The following SLC10A7 variants were observed in gnomAD, a reference collection of about 807,000 sequenced individuals.
SLC10A7 encodes sodium/bile acid cotransporter 7.
SLC10A7 carries 29 observed loss-of-function variants against 43.2 expected under a neutral mutation model. That is an observed-to-expected ratio of 0.67 (90% CI 0.50 to 0.92). The LOEUF (loss-of-function observed/expected upper bound fraction) is 0.92, where lower values mean the gene tolerates loss of function less well. SLC10A7 is among the 40% of genes least tolerant of loss of function. The pLI, the probability that SLC10A7 is intolerant of heterozygous loss-of-function variation, is 0.00. For synonymous variants in SLC10A7, 152 were observed against 144.8 expected, an observed-to-expected ratio of 1.05 and a Z score of -0.35; for missense variants, 295 against 403.2, an observed-to-expected ratio of 0.73 and a Z score of 2.30.
At chr4:146,288,657 A>C (rs973842579) in intron 9 of SLC10A7, among the ~76,000 whole-genome samples, 4 of 152,230 alleles carry the variant, frequency 2.6e-5, no homozygotes, top group African/African-American at 9.6e-5. Flanking sequence ...CAGAAAAATC[A>C]AGTGTCCTGT....
chr4:146,262,290 A>G (rs958791054), intron 10 of SLC10A7, among the ~76,000 whole-genome samples: 1 of 152,198 alleles, frequency 6.6e-6, no homozygotes, highest in Non-Finnish European at 1.5e-5. Context: ...TCGAGTTTCC[A>G]TGCTATGGTG....
At chr4:146,348,983 C>T (rs1167904928) in intron 5 of SLC10A7, among the ~76,000 whole-genome samples, 3 of 152,020 alleles carry the variant, frequency 2.0e-5, no homozygotes, top group African/African-American at 7.2e-5. Context: ...AAATCAATTC[C>T]CTTATTTCTT....
chr4:146,287,708 T>C (rs768124261), intron 9 of SLC10A7, among the ~76,000 whole-genome samples: 2 of 152,232 alleles, frequency 1.3e-5, no homozygotes, highest in East Asian at 1.9e-4. Flanking sequence ...CTGTCCTAGG[T>C]AGGGGATGTT....
intron 5 of SLC10A7, among the ~76,000 whole-genome samples, chr4:146,418,572 TAA>T (rs1579135663): frequency 1.3e-5 from 2 of 152,276 alleles, no homozygotes; most frequent in East Asian, 3.9e-4. Context: ...AAAAAAGAAT[TAA>T]AGTTTTTTAT....
chr4:146,411,328 A>T (rs1183819263), intron 5 of SLC10A7, among the ~76,000 whole-genome samples: 1 of 152,196 alleles, frequency 6.6e-6, no homozygotes, highest in African/African-American at 2.4e-5. Context: ...TGAGCCAAAT[A>T]AGACAAGAAA....
chr4:146,300,386 A>G (rs533191159), intron 7 of SLC10A7, among the ~76,000 whole-genome samples: 1 of 152,354 alleles, frequency 6.6e-6, no homozygotes, highest in East Asian at 1.9e-4. Context: ...ATTCAAACCT[A>G]TGATGCCTAT....
At chr4:146,387,417 T>C (rs1170795755) in intron 5 of SLC10A7, among the ~76,000 whole-genome samples, 1 of 152,120 alleles carries the variant, frequency 6.6e-6, no homozygotes, top group Non-Finnish European at 1.5e-5. Flanking sequence ...AAATTTGGCA[T>C]CCCTTCATGA....
At position 146,423,459 on chromosome 4, in the gene SLC10A7, A is replaced by G. The variant is rs373929671; in HGVS notation, c.435+19324T>C. ...TTGAATAACTTTTGGATAAATCACCATCACCTGTCAAACTTTGGATTTGTC... is the reference window on the plus strand; with the variant it reads ...TTGAATAACTTTTGGATAAATCACCGTCACCTGTCAAACTTTGGATTTGTC... On this transcript the variant is annotated intron_variant, in intron 5 of 11. Coordinates refer to ENST00000335472, the MANE Select transcript of SLC10A7 (RefSeq NM_001029998.6). Among the ~76,000 whole-genome samples, 46 of 152,330 alleles carry G rather than the reference A, an allele frequency of 3.0e-4. No homozygotes were observed. The East Asian group carries it at 6.9e-3, about 23-fold the overall frequency.
chr4:146,384,556 A>T (rs981889759), intron 5 of SLC10A7, among the ~76,000 whole-genome samples: 1 of 152,122 alleles, frequency 6.6e-6, no homozygotes. Context: ...GAACTATGTG[A>T]TTTTATTATT....
In SLC10A7 at chr4:146,256,291, C is replaced by A. The variant is rs940725056; in HGVS notation, c.*200G>T. ...TTAACCCCCAAATATTGTACCACCCCTGGCAGTAATCAACAAAGCATATTT... is the reference window on the plus strand; with the variant it reads ...TTAACCCCCAAATATTGTACCACCCATGGCAGTAATCAACAAAGCATATTT... On this transcript the variant is annotated 3_prime_UTR_variant, in exon 12 of 12. Coordinates refer to ENST00000335472, the MANE Select transcript of SLC10A7 (RefSeq NM_001029998.6). 2 of 593,346 alleles carry A rather than the reference C, an allele frequency of 3.4e-6. No homozygotes were observed. The highest frequency in any genetic ancestry group is 3.7e-5 in the African/African-American group (2 of 53,516). 36.8% of individuals were successfully genotyped at this position (593,346 alleles called of 1,614,324 possible). A position where few individuals can be genotyped will look rare whatever the true frequency, so the allele number is the denominator to read the frequency against.
chr4:146,474,205 CACA>C (rs1733846909), intron 4 of SLC10A7, among the ~76,000 whole-genome samples: 1 of 151,012 alleles, frequency 6.6e-6, no homozygotes, highest in South Asian at 2.1e-4. Context: ...CTAAACAATA[CACA>C]ACAATATATT....
intron 5 of SLC10A7, among the ~76,000 whole-genome samples, chr4:146,432,323 G>C (rs10001383): frequency 0.82 from 124,353 of 152,146 alleles, 51,491 homozygotes; most frequent in African/African-American, 0.93. Context: ...AACCTGTACA[G>C]AAATATTTAT....
At chr4:146,504,481 T>C (rs1431329409) in intron 3 of SLC10A7, among the ~76,000 whole-genome samples, 1 of 134,142 alleles carries the variant, frequency 7.5e-6, no homozygotes, top group African/African-American at 2.9e-5. Flanking sequence ...ATAGCGCCAC[T>C]GCAGTCCAGC....
At chr4:146,262,551 G>C (rs564435327) in intron 10 of SLC10A7, among the ~76,000 whole-genome samples, 3 of 152,130 alleles carry the variant, frequency 2.0e-5, no homozygotes, top group South Asian at 2.1e-4. Flanking sequence ...ACTATGTAAC[G>C]CACCACTCTT....
chr4:146,263,221 G>T (rs1385061541), intron 10 of SLC10A7, among the ~76,000 whole-genome samples: 2 of 152,178 alleles, frequency 1.3e-5, no homozygotes, highest in African/African-American at 4.8e-5. Flanking sequence ...GTGGCCTTTA[G>T]ATCCTTTCCA....
intron 5 of SLC10A7, among the ~76,000 whole-genome samples, chr4:146,380,349 G>A (rs777719300): frequency 2.0e-5 from 3 of 152,100 alleles, no homozygotes; most frequent in Non-Finnish European, 4.4e-5. Context: ...ATAGGCTTGT[G>A]ATATTATATT....
At chr4:146,357,751 A>C (rs947194550) in intron 5 of SLC10A7, among the ~76,000 whole-genome samples, 11 of 152,144 alleles carry the variant, frequency 7.2e-5, no homozygotes, top group African/African-American at 2.4e-4. Flanking sequence ...TGTCCCCTGG[A>C]ATTTGGGGAA....
chr4:146,404,781 T>A (rs1739467973), intron 5 of SLC10A7, among the ~76,000 whole-genome samples: 1 of 152,138 alleles, frequency 6.6e-6, no homozygotes, highest in Non-Finnish European at 1.5e-5. Flanking sequence ...ATGTGTTGCG[T>A]CTTTGTTACG....
At chr4:146,402,405 C>T (rs1310868745) in intron 5 of SLC10A7, among the ~76,000 whole-genome samples, 1 of 152,034 alleles carries the variant, frequency 6.6e-6, no homozygotes, top group Non-Finnish European at 1.5e-5. Context: ...AACCAATCTA[C>T]TGGCCCTATC....
Sources: gnomAD v4.1 joint callset for allele counts (sites outside exome capture counted in the v4.1 genomes callset) on GRCh38, gnomAD v4.1.1 for gene constraint, MANE v1.5 for transcripts, NCBI Gene and HGNC (gene_info 2026-07-23, HGNC 2026-07-21) for gene names.